The following MTCL2 variants were observed in gnomAD, a reference collection of about 807,000 sequenced individuals.
The protein encoded by MTCL2 is microtubule crosslinking factor 2.
chr20:36,799,466 T>A, the MTCL2 span, among the ~76,000 whole-genome samples: 1 of 151,694 alleles, frequency 6.6e-6, no homozygotes, highest in African/African-American at 2.4e-5. Context: ...CACTCTAGTC[T>A]GGGCAACAAG....
At chr20:36,845,176 C>A in the MTCL2 span, among the ~76,000 whole-genome samples, 1 of 152,346 alleles carries the variant, frequency 6.6e-6, no homozygotes, top group Admixed American at 6.5e-5. Flanking sequence ...CCAACCCAGA[C>A]TTGCTGAATC....
the MTCL2 span, among the ~76,000 whole-genome samples, chr20:36,806,272 G>A: frequency 1.3e-5 from 2 of 152,180 alleles, no homozygotes; most frequent in African/African-American, 4.8e-5. Context: ...ACTGCTTGCT[G>A]ATAGATTCTG....
chr20:36,849,584 AC>A, the MTCL2 span, among the ~76,000 whole-genome samples: 1 of 152,068 alleles, frequency 6.6e-6, no homozygotes, highest in Non-Finnish European at 1.5e-5. Flanking sequence ...ACTGGCACAC[AC>A]CACCATGCCT....
At chr20:36,836,331 C>T in the MTCL2 span, among the ~76,000 whole-genome samples, 27 of 150,132 alleles carry the variant, frequency 1.8e-4, no homozygotes, top group Non-Finnish European at 1.2e-4. Flanking sequence ...CTTGCCACCA[C>T]GCCCAGCTAA....
chr20:36,830,961 G>C, the MTCL2 span, among the ~76,000 whole-genome samples: 3 of 152,180 alleles, frequency 2.0e-5, no homozygotes, highest in Admixed American at 6.5e-5. Flanking sequence ...GGCCCAAAAT[G>C]ACAAAGGGTG....
the MTCL2 span, among the ~76,000 whole-genome samples, chr20:36,838,594 C>T: frequency 6.6e-6 from 1 of 152,046 alleles, no homozygotes; most frequent in Non-Finnish European, 1.5e-5. Context: ...TCTAAAAAAA[C>T]AAGAAGAAAA....
the MTCL2 span, chr20:36,862,817 CG>C: frequency 7.4e-7 from 1 of 1,357,476 alleles, no homozygotes; most frequent in Non-Finnish European, 9.5e-7. Flanking sequence ...ACGGCTCGTC[CG>C]GGGAGGCGGG....
At chr20:36,853,319 C>A in the MTCL2 span, among the ~76,000 whole-genome samples, 12 of 152,188 alleles carry the variant, frequency 7.9e-5, no homozygotes, top group African/African-American at 2.9e-4. Context: ...CCCGAGCAAT[C>A]CCCGATGGGA....
At chr20:36,814,396 C>T in the MTCL2 span, among the ~76,000 whole-genome samples, 2 of 152,044 alleles carry the variant, frequency 1.3e-5, no homozygotes, top group Admixed American at 1.3e-4. Context: ...GGACAAGCTG[C>T]AAGGATGAAA....
chr20:36,847,753 C>G, the MTCL2 span, among the ~76,000 whole-genome samples: 1 of 150,738 alleles, frequency 6.6e-6, no homozygotes, highest in South Asian at 2.1e-4. Context: ...ACTCAGGAGG[C>G]TGCAACAGGA....
the MTCL2 span, chr20:36,812,907 C>A: frequency 6.5e-7 from 1 of 1,545,342 alleles, no homozygotes; most frequent in South Asian, 1.2e-5. Flanking sequence ...CCGAGGGGTG[C>A]CAGAAACACC....
the MTCL2 span, among the ~76,000 whole-genome samples, chr20:36,807,842 T>C: frequency 1.4e-5 from 2 of 143,718 alleles, no homozygotes; most frequent in African/African-American, 5.1e-5. Flanking sequence ...GAGATCAGCC[T>C]GGCCAACATG....
the MTCL2 span, among the ~76,000 whole-genome samples, chr20:36,789,118 C>T: frequency 2.0e-5 from 3 of 152,138 alleles, no homozygotes; most frequent in African/African-American, 7.2e-5. Flanking sequence ...CATAGGCTAC[C>T]TTCGTAAAAG....
chr20:36,845,528 C>T, the MTCL2 span, among the ~76,000 whole-genome samples: 2 of 152,254 alleles, frequency 1.3e-5, no homozygotes, highest in African/African-American at 2.4e-5. Context: ...CCTGCTGGCA[C>T]GGCCCCACGT....
the MTCL2 span, among the ~76,000 whole-genome samples, chr20:36,798,708 G>C: frequency 6.6e-6 from 1 of 152,292 alleles, no homozygotes; most frequent in Admixed American, 6.5e-5. Context: ...CATGGGGTCA[G>C]GCCGAGGGCA....
At chr20:36,792,283 G>A in the MTCL2 span, among the ~76,000 whole-genome samples, 2 of 152,120 alleles carry the variant, frequency 1.3e-5, no homozygotes, top group Non-Finnish European at 2.9e-5. Flanking sequence ...CAAGGTGGGC[G>A]GATCACTTGA....
the MTCL2 span, among the ~76,000 whole-genome samples, chr20:36,829,897 G>A: frequency 6.6e-6 from 1 of 152,128 alleles, no homozygotes; most frequent in African/African-American, 2.4e-5. Flanking sequence ...ACTTTGGGAG[G>A]CTGAAGCAGG....
chr20:36,794,098 G>T, the MTCL2 span: 1 of 1,551,482 alleles, frequency 6.4e-7, no homozygotes, highest in Non-Finnish European at 8.7e-7. The surrounding 1 kb of genome is among the most constrained non-coding windows in gnomAD (Gnocchi z 5.4). Context: ...GGGCCGCTGG[G>T]AAGCCAGGCC....
At chr20:36,783,691 C>T in the MTCL2 span, 1 of 886,890 alleles carries the variant, frequency 1.1e-6, no homozygotes, top group Non-Finnish European at 1.4e-6. Context: ...TCCAGGGAAT[C>T]CCCACTGTGG....
Sources: allele counts gnomAD v4.1 joint callset (sites outside exome capture counted in the v4.1 genomes callset), GRCh38; gene constraint gnomAD v4.1.1; non-coding constraint Gnocchi (gnomAD v3.1); transcripts MANE v1.5; gene names NCBI Gene and HGNC (gene_info 2026-07-23, HGNC 2026-07-21).